The following TBC1D5 variants were observed in gnomAD, a reference collection of about 807,000 sequenced individuals.
TBC1D5 encodes TBC1 domain family, member 5.
In TBC1D5, 75 loss-of-function variants were observed where a neutral mutation model predicts 100.3. The ratio of observed to expected loss-of-function variants is 0.75; its 90% confidence interval spans 0.62 to 0.91. The LOEUF is 0.91. Ranked by LOEUF, TBC1D5 falls within the 40% of genes least tolerant of loss-of-function variation. TBC1D5 has a pLI of 0.00. For synonymous variants in TBC1D5, 323 were observed against 325.6 expected (o/e 0.99, Z 0.09); for missense variants, 910 against 942.4 (o/e 0.97, Z 0.45).
At chr3:17,227,747 T>G (rs1161902637) in intron 17 of TBC1D5, among the ~76,000 whole-genome samples, 1 of 151,872 alleles carries the variant, frequency 6.6e-6, no homozygotes, top group East Asian at 1.9e-4. Context: ...TATTAGGTAC[T>G]AGGCTTAGTA....
At chr3:17,280,699 ATCT>A (rs749778271) in intron 15 of TBC1D5, among the ~76,000 whole-genome samples, 8 of 152,110 alleles carry the variant, frequency 5.3e-5, no homozygotes, top group Non-Finnish European at 1.0e-4. Context: ...CAGCAATAAA[ATCT>A]TCTGCATTCA....
chr3:17,213,303 T>C (rs1039956028), intron 18 of TBC1D5, among the ~76,000 whole-genome samples: 19 of 152,204 alleles, frequency 1.2e-4, no homozygotes, highest in Non-Finnish European at 1.0e-4. Flanking sequence ...TGCACTATGA[T>C]GAAATTGCGT....
chr3:17,636,778 G>A (rs2063971352), intron 1 of TBC1D5, among the ~76,000 whole-genome samples: 1 of 151,650 alleles, frequency 6.6e-6, no homozygotes, highest in South Asian at 2.1e-4. Flanking sequence ...TCCAGCCTGG[G>A]AGACAGAGCG....
At chr3:17,492,997 T>C (rs1274087868) in intron 3 of TBC1D5, among the ~76,000 whole-genome samples, 1 of 152,202 alleles carries the variant, frequency 6.6e-6, no homozygotes, top group East Asian at 1.9e-4. Flanking sequence ...GCTGGTTATT[T>C]TGCAGACTTG....
chr3:17,714,758 C>G (rs2075076534), intron 1 of TBC1D5, among the ~76,000 whole-genome samples: 1 of 152,100 alleles, frequency 6.6e-6, no homozygotes, highest in African/African-American at 2.4e-5. Context: ...CCCATGAGCC[C>G]AGGAGTTCCA....
intron 8 of TBC1D5, among the ~76,000 whole-genome samples, chr3:17,387,859 A>T (rs1183984540): frequency 6.6e-6 from 1 of 151,756 alleles, no homozygotes; most frequent in Non-Finnish European, 1.5e-5. Flanking sequence ...AAAGAGAGAA[A>T]TTTAGAATTA....
At chr3:17,495,285 T>C (rs1278598067) in intron 3 of TBC1D5, among the ~76,000 whole-genome samples, 1 of 152,256 alleles carries the variant, frequency 6.6e-6, no homozygotes, top group East Asian at 1.9e-4. Context: ...TCCTGCTTCC[T>C]TTTTTATTTG....
chr3:17,178,649 T>TA (rs1165414884), intron 19 of TBC1D5, among the ~76,000 whole-genome samples: 2 of 152,092 alleles, frequency 1.3e-5, no homozygotes, highest in African/African-American at 4.8e-5. Context: ...AAAAGTTCTC[T>TA]TTTATTTATT....
rs536029036 is a variant in TBC1D5 at position 17,547,315 on chromosome 3, G to A, written c.-35-38710C>T. ...TTTAAAATGAATCTTCTCAGTCTCAGAAGGGTGATTACTTCTGTCTCGGTT... is the reference window on the plus strand; with the variant it reads ...TTTAAAATGAATCTTCTCAGTCTCAAAAGGGTGATTACTTCTGTCTCGGTT... On this transcript the variant is annotated intron_variant, in intron 2 of 21. Transcript: ENST00000253692. 3.3e-5 allele frequency among the ~76,000 whole-genome samples: 5 copies of A among 152,278 alleles called. No individual in the cohort carries two copies. In the East Asian group the frequency reaches 5.8e-4, roughly 18 times the overall value.
chr3:17,261,962 A>C (rs998878164), intron 15 of TBC1D5, among the ~76,000 whole-genome samples: 3 of 152,024 alleles, frequency 2.0e-5, no homozygotes. Context: ...GTAAAACTCT[A>C]TATGTAAGAA....
intron 2 of TBC1D5, among the ~76,000 whole-genome samples, chr3:17,571,695 A>C (rs2096628269): frequency 6.6e-6 from 1 of 151,980 alleles, no homozygotes; most frequent in East Asian, 1.9e-4. Context: ...CTCTACACCT[A>C]ATTTCCTGAA....
intron 3 of TBC1D5, among the ~76,000 whole-genome samples, chr3:17,483,322 A>T (rs905054930): frequency 6.6e-6 from 1 of 152,146 alleles, no homozygotes; most frequent in Non-Finnish European, 1.5e-5. Flanking sequence ...TCCTCCCCTA[A>T]AAAAGTTCCT....
intron 13 of TBC1D5, among the ~76,000 whole-genome samples, chr3:17,321,954 TCTTA>T (rs761343615): frequency 4.3e-4 from 66 of 152,336 alleles, no homozygotes; most frequent in Non-Finnish European, 8.1e-4. Context: ...TTCTCTGTAC[TCTTA>T]CTTTACAGTG....
rs139098986 is a variant in TBC1D5, at chr3:17,654,750, T to C, written c.-100-30837A>G. On this transcript the variant is annotated intron_variant, in intron 1 of 21. Coordinates refer to ENST00000253692, the Ensembl canonical transcript of TBC1D5. ...AGAAGGAATGGTACCAGTTCCTCCT[T>C]GTACCCCTGGTAGAATTTGGCTGTG... 7.0e-3 allele frequency among the ~76,000 whole-genome samples: 1,067 copies of C among 152,248 alleles called. 12 individuals are homozygous for C. The highest frequency in any genetic ancestry group is 0.024 in the African/African-American group (980 of 41,548).
chr3:17,406,227 C>G (rs977051287), intron 5 of TBC1D5, among the ~76,000 whole-genome samples, 191 bp downstream of exon 5: 2 of 152,030 alleles, frequency 1.3e-5, no homozygotes, highest in African/African-American at 4.8e-5. Context: ...ACCGTTATCA[C>G]TTACTCAGGA....
intron 13 of TBC1D5, among the ~76,000 whole-genome samples, chr3:17,361,804 A>G (rs1041894739): frequency 6.6e-6 from 1 of 152,102 alleles, no homozygotes; most frequent in Non-Finnish European, 1.5e-5. Flanking sequence ...TCTGAAGTCA[A>G]TAATCTGACC....
intron 2 of TBC1D5, among the ~76,000 whole-genome samples, chr3:17,577,889 T>C (rs1378715197): frequency 1.3e-5 from 2 of 151,964 alleles, no homozygotes; most frequent in Admixed American, 6.6e-5. Flanking sequence ...CCATATGTTT[T>C]TTCCCATTGT....
At chr3:17,439,192 T>C (rs934494990) in intron 3 of TBC1D5, among the ~76,000 whole-genome samples, 1 of 152,142 alleles carries the variant, frequency 6.6e-6, no homozygotes, top group Non-Finnish European at 1.5e-5. Context: ...CTTCATAAAA[T>C]GTAAAGGCAT....
intron 2 of TBC1D5, among the ~76,000 whole-genome samples, chr3:17,605,170 C>T (rs2061257435): frequency 6.6e-6 from 1 of 152,198 alleles, no homozygotes; most frequent in African/African-American, 2.4e-5. Flanking sequence ...CTCATACAAT[C>T]ACCAATCTCA....
Sources: allele counts gnomAD v4.1 joint callset (sites outside exome capture counted in the v4.1 genomes callset), GRCh38; gene constraint gnomAD v4.1.1; transcripts MANE v1.5; gene names NCBI Gene and HGNC (gene_info 2026-07-23, HGNC 2026-07-21).